Variants in ASAP2 observed in about 807,000 individuals in gnomAD.
The protein encoded by ASAP2 is ArfGAP with SH3 domain, ankyrin repeat and PH domain 2.
Under a neutral mutation model 131.4 loss-of-function variants are expected in ASAP2, and 45 were observed. The observed-to-expected ratio is 0.34, with a 90% CI of 0.27 to 0.44. The LOEUF (loss-of-function observed/expected upper bound fraction) is 0.44, where lower values mean the gene tolerates loss of function less well. ASAP2 is among the 20% of genes least tolerant of loss of function. ASAP2 has a pLI of 1.00. For synonymous variants in ASAP2, 510 were observed against 503.0 expected (o/e 1.01, Z -0.19); for missense variants, 1,011 against 1,297.0 (o/e 0.78, Z 3.39).
intron 1 of ASAP2, among the ~76,000 whole-genome samples, chr2:9,270,828 C>T (rs2709595): frequency 0.64 from 79,042 of 123,724 alleles, 24,434 homozygotes; most frequent in East Asian, 0.77. Context: ...AGTCTCGCTC[C>T]GTCGCCCAGG....
At chr2:9,376,783 GA>G in intron 17 of ASAP2, 124 bp from the exon 18 acceptor site, 1 of 828,030 alleles carries the variant, frequency 1.2e-6, no homozygotes, top group Non-Finnish European at 2.0e-6. Context: ...CTCTATGTAA[GA>G]GATAAGTTTC....
chr2:9,256,888 C>T (rs1253113907), intron 1 of ASAP2, among the ~76,000 whole-genome samples: 1 of 152,246 alleles, frequency 6.6e-6, no homozygotes, highest in East Asian at 1.9e-4. Context: ...GTCCTGTCCA[C>T]CCTCAGTCCT....
In ASAP2 at chr2:9,405,197, T is replaced by G. The variant is rs1677114019; in HGVS notation, c.*1870T>G. ...CAATTTGGTGCTATTGTGCAGTAAC[T>G]AATAGTACTCTTACCAGAGGAGAAA... On this transcript the variant is annotated 3_prime_UTR_variant, in exon 28 of 28. Coordinates refer to ENST00000281419, the MANE Select transcript of ASAP2 (RefSeq NM_003887.3). 6.6e-6 allele frequency: 1 copy of G among 152,256 alleles called. No homozygotes were observed. The highest frequency in any genetic ancestry group is 2.1e-4 in the South Asian group (1 of 4,836). The allele number at this position is 152,256 out of a possible 1,614,324, so 9.4% of individuals were successfully genotyped here.
chr2:9,212,903 C>T (rs571291962), intron 1 of ASAP2, among the ~76,000 whole-genome samples: 31 of 152,322 alleles, frequency 2.0e-4, no homozygotes, highest in African/African-American at 6.7e-4. Flanking sequence ...CTGTTCGAGA[C>T]GGAACCCCGG....
rs758439760 is a variant in ASAP2 at position 9,399,831 on chromosome 2, G to A, written c.2685-192G>A. 3.9e-4 allele frequency: 237 copies of A among 611,972 alleles called. 1 individual carries two copies. Among genetic ancestry groups the A allele is most frequent in the South Asian group, 1.0e-3 (52 of 49,898 alleles). 37.9% of individuals were successfully genotyped at this position (611,972 alleles called of 1,614,324 possible). A position where few individuals can be genotyped will look rare whatever the true frequency, so the allele number is the denominator to read the frequency against. On this transcript the variant is annotated intron_variant, in intron 24 of 27. Transcript: ENST00000281419. ...AAGCCCTGGTTTTAGGATCAGAAAC[G>A]TTGAATTTAGCACTTTCCTCAGGGC...
intron 2 of ASAP2, among the ~76,000 whole-genome samples, chr2:9,290,034 CAG>C (rs1485464941): frequency 1.3e-5 from 2 of 152,252 alleles, no homozygotes; most frequent in East Asian, 1.9e-4. Flanking sequence ...CGGGAGCTCT[CAG>C]GGGTTATGAA....
chr2:9,246,189 G>A (rs1181305682), intron 1 of ASAP2, among the ~76,000 whole-genome samples: 2 of 152,168 alleles, frequency 1.3e-5, no homozygotes, highest in African/African-American at 2.4e-5. Flanking sequence ...CTCCAAACCC[G>A]TACTCCTTAG....
intron 1 of ASAP2, among the ~76,000 whole-genome samples, chr2:9,213,483 T>A (rs1396645568): frequency 7.2e-5 from 11 of 152,066 alleles, no homozygotes; most frequent in Admixed American, 7.2e-4. Flanking sequence ...TGGTCCGATA[T>A]CCATTTTAAA....
rs1244547786 is a variant in ASAP2, at chr2:9,254,525, GGATTTTT to G, written c.127-24791_127-24785del. Among the ~76,000 whole-genome samples the G allele has an allele frequency of 1.4e-4, 11 of 81,284 alleles. 1 individual carries two copies. The highest frequency in any genetic ancestry group is 9.2e-4 in the South Asian group (2 of 2,172). 53.3% of individuals were successfully genotyped at this position (81,284 alleles called of 152,430 possible). A position where few individuals can be genotyped will look rare whatever the true frequency, so the allele number is the denominator to read the frequency against. On this transcript the variant is annotated intron_variant, in intron 1 of 27. Transcript: ENST00000281419. ...GCACCACTACCCCCAGCTAATTTTT[GGATTTTT>G]TTTTTTTTTTTTTTTTTTTTTAGTA...
At chr2:9,259,263 C>A (rs72773381) in intron 1 of ASAP2, among the ~76,000 whole-genome samples, 1 of 152,232 alleles carries the variant, frequency 6.6e-6, no homozygotes, top group Non-Finnish European at 1.5e-5. Context: ...ACATTCATCC[C>A]TCAACGCTGA....
chr2:9,285,769 C>G (rs1667420230), intron 2 of ASAP2, among the ~76,000 whole-genome samples: 1 of 152,216 alleles, frequency 6.6e-6, no homozygotes, highest in African/African-American at 2.4e-5. Flanking sequence ...TAGAATTATT[C>G]TGTCATAAGG....
intron 3 of ASAP2, among the ~76,000 whole-genome samples, chr2:9,310,126 T>C (rs1558318107): frequency 6.6e-6 from 1 of 152,248 alleles, no homozygotes; most frequent in African/African-American, 2.4e-5. Flanking sequence ...TTGCTTGGCC[T>C]GTGCAGAAGG....
intron 2 of ASAP2, among the ~76,000 whole-genome samples, chr2:9,295,954 C>A (rs1338192947): frequency 6.6e-6 from 1 of 152,162 alleles, no homozygotes; most frequent in Non-Finnish European, 1.5e-5. Context: ...AACAAATGTT[C>A]CCTCGTTTTC....
chr2:9,378,974 C>A lies in ASAP2; in HGVS notation c.1863C>A (p.Gly621=). Residue 621 remains glycine, a synonymous_variant, in exon 19 of 28, where the codon GGC becomes GGA. Transcript: ENST00000281419. ...ACCTGGATAAACAGACAGGGAAAGG[C>A]AGCACAGCCCTGCACTACTGCTGCC... ...SGNLDKQTGK[G]STALHYCCLT... 6.6e-7 allele frequency: 1 copy of A among 1,521,046 alleles called. No homozygotes were observed. Among genetic ancestry groups the A allele is most frequent in the African/African-American group, 1.4e-5 (1 of 70,974 alleles). The allele number at this position is 1,521,046 out of a possible 1,614,324, so 94.2% of individuals were successfully genotyped here. A position where few individuals can be genotyped will look rare whatever the true frequency, so the allele number is the denominator to read the frequency against.
chr2:9,396,503 C>T (rs373124564), intron 24 of ASAP2, among the ~76,000 whole-genome samples: 155 of 152,250 alleles, frequency 1.0e-3, no homozygotes, highest in African/African-American at 3.5e-3. Context: ...TCTCGAACTC[C>T]TGGGCTCAAG....
At position 9,272,845 on chromosome 2, in the gene ASAP2, A is replaced by G. The variant is rs573809515; in HGVS notation, c.127-6472A>G. On this transcript the variant is annotated intron_variant, in intron 1 of 27. Transcript: ENST00000281419. ...CAGTGTATGTTCTTGGCACATTTGT[A>G]AAAAATGAGTTCACTGTAAATGTAT... Among the ~76,000 whole-genome samples, 37 of 152,290 alleles carry G rather than the reference A, an allele frequency of 2.4e-4. 1 individual carries two copies. The South Asian group carries it at 3.9e-3, about 16-fold the overall frequency.
At chr2:9,256,162 CAAA>C (rs71389235) in intron 1 of ASAP2, among the ~76,000 whole-genome samples, 8 of 86,824 alleles carry the variant, frequency 9.2e-5, no homozygotes, top group South Asian at 3.7e-4. Context: ...GGGTCCCCTG[CAAA>C]AAAAAAAAAA....
intron 1 of ASAP2, among the ~76,000 whole-genome samples, chr2:9,270,533 G>A (rs1199015347): frequency 1.3e-5 from 2 of 151,716 alleles, no homozygotes. Context: ...GGGTAAATGG[G>A]GCTTCCATCA....
At chr2:9,293,442 C>T (rs1480096077) in intron 2 of ASAP2, among the ~76,000 whole-genome samples, 1 of 152,172 alleles carries the variant, frequency 6.6e-6, no homozygotes, top group African/African-American at 2.4e-5. Flanking sequence ...AGAGTGTGAG[C>T]TCTTTTTAGA....
Sources: gnomAD v4.1 joint callset for allele counts (sites outside exome capture counted in the v4.1 genomes callset) on GRCh38, gnomAD v4.1.1 for gene constraint, MANE v1.5 for transcripts, NCBI Gene and HGNC (gene_info 2026-07-23, HGNC 2026-07-21) for gene names.